Variants in HPD observed in about 807,000 individuals in gnomAD.
HPD encodes 4-hydroxyphenylpyruvate dioxygenase.
A neutral mutation model predicts 56.9 loss-of-function variants in HPD; 35 were observed. The observed-to-expected ratio is 0.62, with a 90% confidence interval of 0.47 to 0.82. HPD has a LOEUF of 0.82. Among genes scored for constraint, HPD ranks in the 40% least tolerant of loss-of-function variants. The pLI, the probability that HPD is intolerant of heterozygous loss-of-function variation, is 0.00. For missense variants in HPD, 442 were observed against 506.8 expected, an observed-to-expected ratio of 0.87 and a Z score of 1.23; for synonymous variants, 186 against 200.2, an observed-to-expected ratio of 0.93 and a Z score of 0.60.
chr12:121,839,998 G>T lies in HPD; in HGVS notation c.1005C>A (p.Ile335=), dbSNP rs137852868. The T allele has an allele frequency of 6.2e-7, 1 of 1,613,836 alleles. No homozygotes were observed. Among genetic ancestry groups the T allele is most frequent in the Non-Finnish European group, 8.5e-7 (1 of 1,179,952 alleles). Reference sequence around the variant, plus strand: ...GCCGGTCCTGCACCGGTTTGGTGAAGATCTGCAGGAGGTAGCCTTTCTCGT... The same window carrying T: ...GCCGGTCCTGCACCGGTTTGGTGAATATCTGCAGGAGGTAGCCTTTCTCGT... ...DYDEKGYLLQ[I]FTKPVQDRPT... Residue 335 remains isoleucine, a synonymous_variant, in exon 13 of 14, where the codon ATC becomes ATA. Coordinates refer to ENST00000289004, the MANE Select transcript of HPD (RefSeq NM_002150.3).
At chr12:121,851,687 A>ATTTTTTT (rs1267886581) in intron 7 of HPD, among the ~76,000 whole-genome samples, 3 of 92,400 alleles carry the variant, frequency 3.2e-5, no homozygotes, top group African/African-American at 1.3e-4. Context: ...TTATTCATTT[A>ATTTTTTT]TTTATTTATT....
At chr12:121,881,620 C>A in the HPD span, among the ~76,000 whole-genome samples, 1 of 151,808 alleles carries the variant, frequency 6.6e-6, no homozygotes, top group African/African-American at 2.4e-5. Context: ...TTATCCTTAT[C>A]TGCTCCCATG....
chr12:121,857,678 C>A (rs1303964753), intron 3 of HPD, 79 bp downstream of exon 3: 46 of 1,262,798 alleles, frequency 3.6e-5, no homozygotes, highest in Non-Finnish European at 5.0e-5. Flanking sequence ...CAATCACAGA[C>A]CCTGCTGGAG....
In HPD at chr12:121,839,579, C is replaced by T. The variant is rs1272853354; in HGVS notation, c.*149G>A. ...GGGCTGGAGCAGAGGGCGGCCCCGC[C>T]GAGGGGCGTGGTCAGTGTGGGCGGA... On this transcript the variant is annotated 3_prime_UTR_variant, in exon 14 of 14. Transcript: ENST00000289004. The T allele has an allele frequency of 1.0e-5, 7 of 670,380 alleles. No individual in the cohort carries two copies. The highest frequency in any genetic ancestry group is 2.7e-5 in the East Asian group (1 of 37,130). The allele number at this position is 670,380 out of a possible 1,614,324, so 41.5% of individuals were successfully genotyped here.
the HPD span, among the ~76,000 whole-genome samples, chr12:121,883,348 G>A: frequency 1.3e-5 from 2 of 151,698 alleles, no homozygotes; most frequent in African/African-American, 2.4e-5. Context: ...GTCACTCTTG[G>A]GAAGGTTGTT....
chr12:121,883,144 G>A, the HPD span, among the ~76,000 whole-genome samples: 2 of 150,494 alleles, frequency 1.3e-5, no homozygotes, highest in Non-Finnish European at 2.9e-5. Context: ...AAACGTGCCA[G>A]AAACTGTTAG....
the HPD span, among the ~76,000 whole-genome samples, chr12:121,875,092 G>A: frequency 6.6e-6 from 1 of 152,142 alleles, no homozygotes; most frequent in Non-Finnish European, 1.5e-5. Flanking sequence ...ACAAGGCCTG[G>A]CAAACATTTT....
intron 3 of HPD, 63 bp downstream of exon 3, chr12:121,857,694 C>T (rs1025164007): frequency 2.8e-6 from 4 of 1,406,598 alleles, no homozygotes; most frequent in Non-Finnish European, 4.0e-6. Flanking sequence ...TGGAGGCCTG[C>T]CCTTGTCAGG....
upstream of HPD, among the ~76,000 whole-genome samples, chr12:121,864,851 TC>T (rs1360490399): frequency 2.8e-5 from 3 of 105,314 alleles, no homozygotes; most frequent in African/African-American, 1.7e-4. Flanking sequence ...AGACTCCGTC[TC>T]AAAAACAACA....
chr12:121,840,977 C>T (rs987724699), intron 12 of HPD, among the ~76,000 whole-genome samples: 3 of 149,560 alleles, frequency 2.0e-5, no homozygotes, highest in Non-Finnish European at 4.4e-5. Context: ...GTGAATCACC[C>T]GAGGTCAGGA....
At chr12:121,880,152 GAAAAAAAGAA>G in the HPD span, among the ~76,000 whole-genome samples, 12 of 112,414 alleles carry the variant, frequency 1.1e-4, no homozygotes, top group Non-Finnish European at 1.6e-4. Flanking sequence ...GTATCAAAAT[GAAAAAAAGAA>G]AAAAAAAAAA....
chr12:121,854,430 C>G (rs979815267), intron 7 of HPD, among the ~76,000 whole-genome samples: 1 of 152,218 alleles, frequency 6.6e-6, no homozygotes, highest in African/African-American at 2.4e-5. Context: ...AACTGATGTC[C>G]CCAGACCCCA....
chr12:121,881,713 C>T, the HPD span, among the ~76,000 whole-genome samples: 2 of 151,454 alleles, frequency 1.3e-5, no homozygotes, highest in East Asian at 2.0e-4. Context: ...GTGGTGCGAT[C>T]TTGGCTCGTT....
chr12:121,860,258 G>A (rs992201331), upstream of HPD, among the ~76,000 whole-genome samples: 2 of 152,170 alleles, frequency 1.3e-5, no homozygotes, highest in African/African-American at 4.8e-5. Context: ...AGAGCTCTGT[G>A]TAGCCTGCCT....
chr12:121,859,908 C>A (rs1236905937), upstream of HPD, among the ~76,000 whole-genome samples: 2 of 152,224 alleles, frequency 1.3e-5, no homozygotes, highest in Non-Finnish European at 2.9e-5. Flanking sequence ...CCTGTAATCC[C>A]AGCACTTTGG....
chr12:121,866,045 C>T (rs1000007751), upstream of HPD, among the ~76,000 whole-genome samples: 1 of 151,866 alleles, frequency 6.6e-6, no homozygotes, highest in Non-Finnish European at 1.5e-5. Context: ...CGCCTGTACT[C>T]CTAGCACTTT....
At chr12:121,854,662 T>G (rs777643375) in intron 7 of HPD, 41 bp downstream of exon 7, 5 of 1,395,918 alleles carry the variant, frequency 3.6e-6, no homozygotes, top group African/African-American at 1.4e-5. Context: ...ATCTCAGTGG[T>G]GCCGACAGCA....
At chr12:121,846,826 T>G in intron 11 of HPD, 36 bp downstream of exon 11, 156 of 1,598,088 alleles carry the variant, frequency 9.8e-5, no homozygotes, top group Non-Finnish European at 1.2e-4. Context: ...TGGCTCTGAA[T>G]GAGAGAGGAA....
the HPD span, among the ~76,000 whole-genome samples, chr12:121,873,752 G>A: frequency 2.0e-5 from 3 of 151,512 alleles, no homozygotes; most frequent in African/African-American, 7.3e-5. Context: ...CCCGGGAGGT[G>A]GAGCTTGCAG....
Sources: allele counts gnomAD v4.1 joint callset (sites outside exome capture counted in the v4.1 genomes callset), GRCh38; gene constraint gnomAD v4.1.1; transcripts MANE v1.5; gene names NCBI Gene and HGNC (gene_info 2026-07-23, HGNC 2026-07-21).